Variants in MLLT10 observed in about 807,000 individuals in gnomAD.
MLLT10 encodes MLLT10 histone lysine methyltransferase DOT1L cofactor, also known as protein AF-10.
MLLT10 carries 30 observed loss-of-function variants against 129.1 expected under a neutral mutation model. That is an observed-to-expected ratio of 0.23 (90% CI 0.17 to 0.32). The LOEUF is 0.32. MLLT10 is among the 10% of genes least tolerant of loss of function. The pLI is 1.00. For missense variants in MLLT10, 1,119 were observed against 1,268.3 expected, an observed-to-expected ratio of 0.88 and a Z score of 1.79; for synonymous variants, 490 against 446.4, an observed-to-expected ratio of 1.10 and a Z score of -1.23.
At chr10:21,586,637 C>T (rs1236039908) in intron 4 of MLLT10, among the ~76,000 whole-genome samples, 2 of 152,116 alleles carry the variant, frequency 1.3e-5, no homozygotes, top group African/African-American at 4.8e-5. Context: ...CCTGTAATCC[C>T]AGCACTTTGG....
chr10:21,716,838 C>T (rs958042597), intron 14 of MLLT10, among the ~76,000 whole-genome samples: 5 of 152,190 alleles, frequency 3.3e-5, no homozygotes, highest in East Asian at 1.9e-4. Flanking sequence ...ACACCCTTAA[C>T]GAAAGTAGGA....
At chr10:21,694,624 C>T (rs1038744698) in intron 13 of MLLT10, among the ~76,000 whole-genome samples, 3 of 152,212 alleles carry the variant, frequency 2.0e-5, no homozygotes, top group Middle Eastern at 3.4e-3. Context: ...AGTGGGAGCC[C>T]CTTTGAGCTG....
chr10:21,625,114 C>T, intron 8 of MLLT10: 2 of 952,482 alleles, frequency 2.1e-6, no homozygotes, highest in South Asian at 2.8e-5. Context: ...CCATATCCAC[C>T]TCTCCCCCAA....
rs779073095 is a variant in MLLT10 at position 21,717,921 on chromosome 10, CCTTCTT to C, written c.1878+3977_1878+3982del. On this transcript the variant is annotated intron_variant, in intron 14 of 22. Coordinates refer to ENST00000307729, the MANE Select transcript of MLLT10 (RefSeq NM_001195626.3). Reference sequence around the variant, plus strand: ...TCCTCCTCCTCCTCCTTCTCCTTCTCCTTCTTCTTCTCCTTCTTTTCTTCTTTCTTC... The same window carrying C: ...TCCTCCTCCTCCTCCTTCTCCTTCTCCTTCTCCTTCTTTTCTTCTTTCTTC... 3.7e-3 allele frequency among the ~76,000 whole-genome samples: 550 copies of C among 148,052 alleles called. 13 individuals carry two copies. Among genetic ancestry groups the C allele is most frequent in the African/African-American group, 0.012 (488 of 39,694 alleles).
At chr10:21,546,575 GTT>G (rs1341984814) in intron 3 of MLLT10, among the ~76,000 whole-genome samples, 9 of 111,750 alleles carry the variant, frequency 8.1e-5, no homozygotes, top group Non-Finnish European at 5.7e-5. Flanking sequence ...TGGCTAATTT[GTT>G]TTTTTTTTTT....
chr10:21,702,251 A>G (rs2055003084), intron 13 of MLLT10, among the ~76,000 whole-genome samples: 1 of 152,086 alleles, frequency 6.6e-6, no homozygotes, highest in Non-Finnish European at 1.5e-5. Flanking sequence ...ATGTATTTGT[A>G]TAGTTTCCTA....
At chr10:21,736,694 A>T (rs192528997) in intron 21 of MLLT10, among the ~76,000 whole-genome samples, 20 of 152,166 alleles carry the variant, frequency 1.3e-4, no homozygotes, top group Non-Finnish European at 2.8e-4. Context: ...ACAGAACCCA[A>T]CCAATTTTGG....
chr10:21,653,251 T>C (rs544330397), intron 9 of MLLT10, among the ~76,000 whole-genome samples: 2 of 152,354 alleles, frequency 1.3e-5, no homozygotes, highest in South Asian at 2.1e-4. Context: ...AGAATCTGTT[T>C]CTACCGTTCG....
chr10:21,655,133 T>C lies in MLLT10; in HGVS notation c.795+3365T>C, dbSNP rs547941548. 9.2e-5 allele frequency among the ~76,000 whole-genome samples: 14 copies of C among 152,242 alleles called. No homozygotes were observed. In the East Asian group the frequency reaches 2.5e-3, roughly 27 times the overall value. ...CAGAATCTAGGATGTGATCAGGGCA[T>C]GAGGGGCTGCTGTAGGGCAGAAGAC... is the stretch of plus-strand genomic sequence containing the variant. On this transcript the variant is annotated intron_variant, in intron 9 of 22. Transcript: ENST00000307729.
At chr10:21,646,962 T>C (rs1434413191) in intron 8 of MLLT10, among the ~76,000 whole-genome samples, 1 of 152,074 alleles carries the variant, frequency 6.6e-6, no homozygotes, top group Middle Eastern at 3.2e-3. Flanking sequence ...TTGATGCCAT[T>C]CTTTTGCCTC....
chr10:21,697,343 G>A (rs1347729836), intron 13 of MLLT10, among the ~76,000 whole-genome samples: 1 of 152,094 alleles, frequency 6.6e-6, no homozygotes, highest in Non-Finnish European at 1.5e-5. Context: ...GAAGGCGCCT[G>A]TAATCCCAAC....
chr10:21,612,501 T>C (rs2131194654), intron 6 of MLLT10, 50 bp downstream of exon 6: 1 of 1,155,392 alleles, frequency 8.7e-7, no homozygotes, highest in South Asian at 1.4e-5. Context: ...AAATACCTTG[T>C]GTAACAATCA....
intron 3 of MLLT10, among the ~76,000 whole-genome samples, chr10:21,547,906 C>T (rs1201448012): frequency 2.0e-5 from 3 of 152,046 alleles, no homozygotes; most frequent in Admixed American, 1.3e-4. Flanking sequence ...TAATATTACT[C>T]ATGTTTTTGT....
chr10:21,704,349 CTCTCTCTCTA>C (rs1273845649), intron 13 of MLLT10, among the ~76,000 whole-genome samples: 32 of 61,844 alleles, frequency 5.2e-4, no homozygotes, highest in African/African-American at 1.6e-3. Flanking sequence ...CTCTCTCTCT[CTCTCTCTCTA>C]TATATATATA....
At chr10:21,675,693 TAATC>T (rs1263611302) in intron 11 of MLLT10, among the ~76,000 whole-genome samples, 3 of 152,360 alleles carry the variant, frequency 2.0e-5, no homozygotes, top group Admixed American at 6.5e-5. Context: ...AGAGGCGTAG[TAATC>T]AATCACATGA....
intron 13 of MLLT10, among the ~76,000 whole-genome samples, chr10:21,707,568 G>T (rs1416048848): frequency 1.3e-5 from 2 of 152,132 alleles, no homozygotes; most frequent in African/African-American, 4.8e-5. Context: ...TTTGTCTGGA[G>T]GGACATAATT....
Position 21,651,698 on chromosome 10 carries a change from A to G in MLLT10, c.725A>G (p.Lys242Arg). ...KKKYKEKDKH[K>R]QKHKKQPEPS... ...AAATATAAAGAGAAGGACAAACACA[A>G]ACAGAAACACAAGAAGCAGCCAGAA... The change falls in exon 9 of 23, where the codon AAA becomes AGA. Residue 242 changes from lysine (K) to arginine (R), a missense_variant. Coordinates refer to ENST00000307729, the MANE Select transcript of MLLT10 (RefSeq NM_001195626.3). 1 of 1,613,318 alleles carries G rather than the reference A, an allele frequency of 6.2e-7. No homozygotes were observed. The highest frequency in any genetic ancestry group is 8.5e-7 in the Non-Finnish European group (1 of 1,179,544).
intron 13 of MLLT10, among the ~76,000 whole-genome samples, chr10:21,709,381 G>A (rs371762216): frequency 2.0e-5 from 3 of 152,160 alleles, no homozygotes; most frequent in African/African-American, 2.4e-5. Flanking sequence ...ACAGGCATGC[G>A]CCGCCATGCC....
intron 22 of MLLT10, among the ~76,000 whole-genome samples, chr10:21,741,553 C>G (rs529565447): frequency 6.6e-6 from 1 of 151,888 alleles, no homozygotes; most frequent in Non-Finnish European, 1.5e-5. Context: ...TAAAAGGAAA[C>G]GCAAAGAAAG....
Sources: gnomAD v4.1 joint callset for allele counts (sites outside exome capture counted in the v4.1 genomes callset) on GRCh38, gnomAD v4.1.1 for gene constraint, MANE v1.5 for transcripts, NCBI Gene and HGNC (gene_info 2026-07-23, HGNC 2026-07-21) for gene names.